Variants in POLQ observed in about 807,000 individuals in gnomAD.
POLQ encodes epididymis secretory sperm binding protein.
In POLQ, 233 loss-of-function variants were observed where a neutral mutation model predicts 259.2. The observed-to-expected ratio is 0.90, with a 90% CI of 0.81 to 1.00. The LOEUF is 1.00. Ranked by LOEUF, POLQ falls within the 50% of genes least tolerant of loss-of-function variation. POLQ has a pLI of 0.00. For missense variants in POLQ, 2,871 were observed against 3,051.6 expected (o/e 0.94, Z 1.39); for synonymous variants, 1,025 against 1,048.8 (o/e 0.98, Z 0.44).
chr3:121,494,734 G>A (rs1261180026), intron 14 of POLQ: 12 of 1,555,756 alleles, frequency 7.7e-6, no homozygotes, highest in South Asian at 4.4e-5. Flanking sequence ...AGGTGAACTC[G>A]GAAGACAAAG....
At chr3:121,472,742 C>T (rs939180326) in intron 21 of POLQ, among the ~76,000 whole-genome samples, 3 of 152,098 alleles carry the variant, frequency 2.0e-5, no homozygotes, top group Admixed American at 1.3e-4. Flanking sequence ...TCATAGATAA[C>T]GGTATAAGGA....
intron 12 of POLQ, among the ~76,000 whole-genome samples, chr3:121,508,023 T>TTC (rs1553816472): frequency 6.6e-6 from 1 of 150,464 alleles, no homozygotes; most frequent in Non-Finnish European, 1.5e-5. Context: ...ACAATTTTTT[T>TTC]TTTTTTTTTT....
At chr3:121,492,120 C>T (rs534208445) in intron 15 of POLQ, among the ~76,000 whole-genome samples, 1 of 152,228 alleles carries the variant, frequency 6.6e-6, no homozygotes, top group Admixed American at 6.5e-5. Context: ...TACTATACCC[C>T]ATCCCTTCCC....
chr3:121,477,992 T>A (rs1047082313), intron 19 of POLQ, among the ~76,000 whole-genome samples: 1 of 152,140 alleles, frequency 6.6e-6, no homozygotes, highest in Non-Finnish European at 1.5e-5. Context: ...AATAATGAAC[T>A]TGGGTCAGAA....
chr3:121,541,107 C>A (rs1186473852), intron 3 of POLQ, among the ~76,000 whole-genome samples: 4 of 152,160 alleles, frequency 2.6e-5, no homozygotes, highest in African/African-American at 9.7e-5. Context: ...TCTCGATCTC[C>A]TGACCTCAGA....
intron 13 of POLQ, 100 bp from the exon 14 acceptor site, chr3:121,497,032 G>T: frequency 8.6e-7 from 1 of 1,159,340 alleles, no homozygotes; most frequent in Non-Finnish European, 1.2e-6. Context: ...GCAACAGAGG[G>T]CTTATATAAT....
rs1474313205 is a variant in POLQ, at chr3:121,459,398, T to C, written c.7152+652A>G. 6.1e-5 allele frequency among the ~76,000 whole-genome samples: 9 copies of C among 148,448 alleles called. No homozygotes were observed. In the East Asian group the frequency reaches 1.2e-3, roughly 20 times the overall value. ...TTTTTTTTTTTTTTTTTTTTGTTTTTCGAGATGGAGTCTTGCTCTTTCACC... is the reference window on the plus strand; with the variant it reads ...TTTTTTTTTTTTTTTTTTTTGTTTTCCGAGATGGAGTCTTGCTCTTTCACC... On this transcript the variant is annotated intron_variant, in intron 25 of 29. Coordinates refer to ENST00000264233, the MANE Select transcript of POLQ (RefSeq NM_199420.4).
At position 121,460,200 on chromosome 3, in the gene POLQ, A is replaced by G; in HGVS notation, c.7002T>C (p.Leu2334=). 1 of 1,613,710 alleles carries G rather than the reference A, an allele frequency of 6.2e-7. No homozygotes were observed. The highest frequency in any genetic ancestry group is 8.5e-7 in the Non-Finnish European group (1 of 1,179,590). The change falls in exon 25 of 30, where the codon CTT becomes CTC. Residue 2334 remains leucine, a synonymous_variant. Coordinates refer to ENST00000264233, the MANE Select transcript of POLQ (RefSeq NM_199420.4). ...ATAAATGAGCCAAGATCCTCAGTTC[A>G]AGCTGAGAGTAGTCAGCAGCCAGTA... The part of the protein sequence containing the change: ...GSILAADYSQ[L]ELRILAHLSH...
At chr3:121,475,156 C>T (rs1290762069) in intron 20 of POLQ, among the ~76,000 whole-genome samples, 1 of 152,124 alleles carries the variant, frequency 6.6e-6, no homozygotes, top group Non-Finnish European at 1.5e-5. Context: ...AAACAACTCC[C>T]CATTCCCCTA....
At chr3:121,541,248 CTTTG>C in intron 3 of POLQ, 97 bp downstream of exon 3, 1 of 1,094,444 alleles carries the variant, frequency 9.1e-7, no homozygotes, top group Non-Finnish European at 1.3e-6. Context: ...AATGAAGAAA[CTTTG>C]TTTTCCACTT....
At chr3:121,532,933 G>C (rs2048421739) in intron 6 of POLQ, 57 bp downstream of exon 6, 19 of 1,111,356 alleles carry the variant, frequency 1.7e-5, no homozygotes, top group Non-Finnish European at 2.2e-5. Context: ...CAATTTGCTA[G>C]AAAATGAAAT....
chr3:121,519,691 A>G (rs893257266), intron 9 of POLQ, among the ~76,000 whole-genome samples, 180 bp downstream of exon 9: 5 of 151,466 alleles, frequency 3.3e-5, no homozygotes, highest in Admixed American at 6.6e-5. Context: ...AAAAAAAAAA[A>G]AAAGAAAATT....
intron 5 of POLQ, among the ~76,000 whole-genome samples, chr3:121,536,811 AT>A (rs940516192): frequency 3.3e-5 from 5 of 151,732 alleles, no homozygotes; most frequent in African/African-American, 1.2e-4. Context: ...TGCCCAGCTA[AT>A]TTTTTTTATT....
At chr3:121,545,691 C>A in intron 1 of POLQ, 24 bp downstream of exon 1, 2 of 1,530,548 alleles carry the variant, frequency 1.3e-6, no homozygotes, top group Non-Finnish European at 1.8e-6. Context: ...CCGTTGCCCG[C>A]GGCCTCCCGG....
At chr3:121,470,979 GT>G (rs1011078734) in intron 22 of POLQ, among the ~76,000 whole-genome samples, 1 of 152,134 alleles carries the variant, frequency 6.6e-6, no homozygotes, top group African/African-American at 2.4e-5. Context: ...GCATTGAGAG[GT>G]TAAGTATCTT....
intron 27 of POLQ, among the ~76,000 whole-genome samples, chr3:121,439,052 T>C (rs539402499): frequency 6.6e-5 from 10 of 152,290 alleles, no homozygotes; most frequent in Non-Finnish European, 1.2e-4. Context: ...TAGGAAGATA[T>C]GAACTATACT....
At chr3:121,522,921 A>C (rs1053122035) in intron 7 of POLQ, among the ~76,000 whole-genome samples, 5 of 152,222 alleles carry the variant, frequency 3.3e-5, no homozygotes, top group Non-Finnish European at 5.9e-5. Context: ...CGTCACGAAA[A>C]AGCCTACTCC....
At chr3:121,469,948 GA>G (rs1178840386) in intron 22 of POLQ, among the ~76,000 whole-genome samples, 2 of 152,120 alleles carry the variant, frequency 1.3e-5, no homozygotes, top group Non-Finnish European at 2.9e-5. Context: ...TAACAAAGCA[GA>G]AGGCTTATTA....
chr3:121,494,169 G>A, intron 14 of POLQ: 1 of 1,042,178 alleles, frequency 9.6e-7, no homozygotes. Flanking sequence ...CTGTCGTGAA[G>A]AAGCAGGAGG....
Sources: gnomAD v4.1 joint callset for allele counts (sites outside exome capture counted in the v4.1 genomes callset) on GRCh38, gnomAD v4.1.1 for gene constraint, MANE v1.5 for transcripts, NCBI Gene and HGNC (gene_info 2026-07-23, HGNC 2026-07-21) for gene names.